The following USP32 variants were observed in gnomAD, a reference collection of about 807,000 sequenced individuals.
USP32 encodes the protein ubiquitin carboxyl-terminal hydrolase 32.
USP32 carries 59 observed loss-of-function variants against 204.8 expected under a neutral mutation model. The observed-to-expected ratio is 0.29, with a 90% CI of 0.23 to 0.36. The LOEUF is 0.36. Among genes scored for constraint, USP32 ranks in the 10% least tolerant of loss-of-function variants. The pLI, the probability that USP32 is intolerant of heterozygous loss-of-function variation, is 1.00. For missense variants in USP32, 1,160 were observed against 1,946.4 expected (o/e 0.60, Z 7.60); for synonymous variants, 517 against 678.4 (o/e 0.76, Z 3.70).
At chr17:60,308,635 A>G (rs576326247) in intron 2 of USP32, among the ~76,000 whole-genome samples, 2 of 152,346 alleles carry the variant, frequency 1.3e-5, no homozygotes, top group South Asian at 4.1e-4. Context: ...ATACGCAGAA[A>G]AATAAAACTA....
chr17:60,402,125 A>G (rs745976738), intron 1 of USP32, among the ~76,000 whole-genome samples: 7 of 152,124 alleles, frequency 4.6e-5, no homozygotes, highest in Non-Finnish European at 7.3e-5. Flanking sequence ...GCTGCACCCA[A>G]TTTTGCATTG....
chr17:60,411,019 A>G (rs1419457671), intron 1 of USP32, among the ~76,000 whole-genome samples: 6 of 151,836 alleles, frequency 4.0e-5, no homozygotes, highest in African/African-American at 1.5e-4. Context: ...TCTACAAAAA[A>G]AAAAAAGTTT....
At chr17:60,250,617 G>A (rs551104901) in intron 11 of USP32, among the ~76,000 whole-genome samples, 58 of 152,146 alleles carry the variant, frequency 3.8e-4, no homozygotes, top group African/African-American at 1.3e-3. Flanking sequence ...AAACACTCAA[G>A]AATATCAAGA....
chr17:60,249,774 T>C (rs574889193), intron 11 of USP32: 1 of 701,012 alleles, frequency 1.4e-6, no homozygotes, highest in African/African-American at 1.7e-5. Context: ...TGTTTGACAA[T>C]TTTGTTCAGT....
At chr17:60,206,976 T>C (rs1228499714) in intron 25 of USP32, 45 bp downstream of exon 25, 2 of 1,558,974 alleles carry the variant, frequency 1.3e-6, no homozygotes, top group Non-Finnish European at 1.7e-6. Context: ...CTTAGACAAA[T>C]ATTTAAAGGA....
rs2087389128 is a variant in USP32 at position 60,294,936 on chromosome 17, C to T, written c.293-135G>A. 1.6e-5 allele frequency: 9 copies of T among 559,828 alleles called. No homozygotes were observed. The South Asian group carries it at 2.3e-4, about 15-fold the overall frequency. 34.7% of individuals were successfully genotyped at this position (559,828 alleles called of 1,614,324 possible). A position where few individuals can be genotyped will look rare whatever the true frequency, so the allele number is the denominator to read the frequency against. ...AGCACCTTATAAATATAGTTTATTCCTTAAAATAATCCAGCAACAAAAATT... is the reference window on the plus strand; with the variant it reads ...AGCACCTTATAAATATAGTTTATTCTTTAAAATAATCCAGCAACAAAAATT... On this transcript the variant is annotated intron_variant, in intron 3 of 33. Coordinates refer to ENST00000300896, the MANE Select transcript of USP32 (RefSeq NM_032582.4).
intron 1 of USP32, among the ~76,000 whole-genome samples, chr17:60,402,511 G>A (rs1443749914): frequency 6.6e-6 from 1 of 152,138 alleles, no homozygotes; most frequent in South Asian, 2.1e-4. Flanking sequence ...GCCTCCCAAA[G>A]TGCTGGGATT....
At chr17:60,253,088 T>C (rs1156473815) in intron 10 of USP32, among the ~76,000 whole-genome samples, 2 of 141,442 alleles carry the variant, frequency 1.4e-5, no homozygotes, top group Non-Finnish European at 2.9e-5. Flanking sequence ...CATAAGCAAA[T>C]ATAAAGTATA....
intron 1 of USP32, among the ~76,000 whole-genome samples, chr17:60,412,670 A>G (rs2090027754): frequency 6.6e-6 from 1 of 151,990 alleles, no homozygotes; most frequent in East Asian, 1.9e-4. Context: ...GCCTGAAGGG[A>G]GGGAGTGGGG....
intron 1 of USP32, among the ~76,000 whole-genome samples, chr17:60,413,273 C>G (rs1022401479): frequency 1.3e-5 from 2 of 152,042 alleles, no homozygotes; most frequent in African/African-American, 4.8e-5. Flanking sequence ...ACTCACCTGG[C>G]CCAGCAAAAA....
At chr17:60,226,334 GTGGT>G in intron 12 of USP32, 103 bp from the exon 13 acceptor site, 4 of 1,088,740 alleles carry the variant, frequency 3.7e-6, no homozygotes, top group Non-Finnish European at 5.0e-6. Context: ...TAAGTCTCCT[GTGGT>G]TGGCCACAGA....
At chr17:60,418,398 T>G (rs1431596536) in intron 1 of USP32, among the ~76,000 whole-genome samples, 1 of 141,872 alleles carries the variant, frequency 7.0e-6, no homozygotes, top group Non-Finnish European at 1.5e-5. Flanking sequence ...TGGCCTCTGT[T>G]TTTTTTTTTT....
chr17:60,342,399 A>G (rs1458238291), intron 2 of USP32, among the ~76,000 whole-genome samples: 1 of 152,218 alleles, frequency 6.6e-6, no homozygotes. Context: ...CCACTTGAGG[A>G]GACAGTCTGT....
chr17:60,349,604 T>TATATATATATATATATAC (rs2088884077), intron 1 of USP32, among the ~76,000 whole-genome samples: 1 of 59,702 alleles, frequency 1.7e-5, no homozygotes, highest in Non-Finnish European at 2.7e-5. Context: ...AAAATATATA[T>TATATATATATATATATAC]ATATATATAT....
intron 29 of USP32, among the ~76,000 whole-genome samples, chr17:60,189,793 G>A (rs1175024321): frequency 6.6e-6 from 1 of 152,116 alleles, no homozygotes; most frequent in Non-Finnish European, 1.5e-5. Flanking sequence ...CTATAGCCCT[G>A]GGACACATTT....
rs763472787 is a variant in USP32 at position 60,181,463 on chromosome 17, T to C, written c.4409A>G (p.Asn1470Ser). ...TPQDHEVALA[N>S]GFLYEHEACG... is the part of the protein sequence containing the mutation. ...TGCTTCATGCTCATAAAGGAATCCA[T>C]TGGCCAAAGCTACCTCATGGTCCTG... is the stretch of plus-strand genomic sequence containing the variant. Residue 1470 changes from asparagine to serine, a missense_variant, in exon 32 of 34, where the codon AAT becomes AGT. Physicochemically the swap from Asn to Ser is conservative, Grantham distance 46. Around this residue, in one of 8 missense-constraint regions of USP32, gnomAD observed 244 missense variants for 342.3 expected, o/e 0.71. Coordinates refer to ENST00000300896, the MANE Select transcript of USP32 (RefSeq NM_032582.4). The C allele has an allele frequency of 2.1e-5, 34 of 1,613,904 alleles. No homozygotes were observed. Among genetic ancestry groups the C allele is most frequent in the African/African-American group, 9.3e-5 (7 of 74,930 alleles).
upstream of USP32, chr17:60,392,262 T>A: frequency 3.1e-6 from 1 of 318,020 alleles, no homozygotes. Flanking sequence ...CCGCCGAGGG[T>A]CACGGGACCC....
At chr17:60,388,962 T>A (rs1289665523) in intron 1 of USP32, among the ~76,000 whole-genome samples, 4 of 152,194 alleles carry the variant, frequency 2.6e-5, no homozygotes, top group African/African-American at 9.7e-5. Context: ...CAATTCCATG[T>A]TTGTATGTGG....
intron 1 of USP32, among the ~76,000 whole-genome samples, chr17:60,353,216 C>G (rs1598278302): frequency 6.6e-6 from 1 of 152,066 alleles, no homozygotes; most frequent in Non-Finnish European, 1.5e-5. Context: ...GCAACATAGG[C>G]ACAGAGGAAA....
Sources: allele counts gnomAD v4.1 joint callset (sites outside exome capture counted in the v4.1 genomes callset), GRCh38; gene constraint gnomAD v4.1.1; regional missense constraint gnomAD v4.1.1; transcripts MANE v1.5; gene names NCBI Gene and HGNC (gene_info 2026-07-23, HGNC 2026-07-21).